Variants in TM6SF1 observed in about 807,000 individuals in gnomAD.
TM6SF1 encodes transmembrane 6 superfamily member 1.
TM6SF1 carries 43 observed loss-of-function variants against 47.1 expected under a neutral mutation model. The observed-to-expected ratio is 0.91, with a 90% CI of 0.72 to 1.18. The LOEUF (loss-of-function observed/expected upper bound fraction) is 1.18. Ranked by LOEUF, TM6SF1 falls within the 50% of genes most tolerant of loss-of-function variation. The pLI, the probability that TM6SF1 is intolerant of heterozygous loss-of-function variation, is 0.00. For missense variants in TM6SF1, 390 were observed against 449.0 expected (o/e 0.87, Z 1.19); for synonymous variants, 177 against 166.3 (o/e 1.06, Z -0.49).
At chr15:83,123,946 T>A (rs2035497191) in intron 6 of TM6SF1, among the ~76,000 whole-genome samples, 1 of 148,254 alleles carries the variant, frequency 6.7e-6, no homozygotes, top group Non-Finnish European at 1.5e-5. Context: ...GGCAATGTTA[T>A]CAACCTTAAT....
At chr15:83,126,980 CAGG>C (rs2035816549) in intron 8 of TM6SF1, 133 bp downstream of exon 8, 1 of 672,110 alleles carries the variant, frequency 1.5e-6, no homozygotes, top group South Asian at 1.9e-5. Context: ...ATCACGAGGT[CAGG>C]AGTTTGAAAC....
In TM6SF1 at chr15:83,113,129, C is replaced by T. The variant is rs2034345677; in HGVS notation, c.196+229C>T. The T allele has an allele frequency of 5.3e-6, 3 of 568,232 alleles. No individual in the cohort carries two copies. The South Asian group carries it at 6.1e-5, about 12-fold the overall frequency. 35.2% of individuals were successfully genotyped at this position (568,232 alleles called of 1,614,324 possible). A position where few individuals can be genotyped will look rare whatever the true frequency, so the allele number is the denominator to read the frequency against. ...TCCCGGTGGAGAGTTACTGCCAGGCCAGGCAGGGCACCCTGCCAACCCCAG... is the reference window on the plus strand; with the variant it reads ...TCCCGGTGGAGAGTTACTGCCAGGCTAGGCAGGGCACCCTGCCAACCCCAG... On this transcript the variant is annotated intron_variant, in intron 2 of 9. Transcript: ENST00000322019.
chr15:83,122,193 A>G (rs2035319656), intron 5 of TM6SF1, among the ~76,000 whole-genome samples, 190 bp downstream of exon 5: 1 of 152,182 alleles, frequency 6.6e-6, no homozygotes, highest in Non-Finnish European at 1.5e-5. Context: ...AGCAATTTTC[A>G]GATGTGTGCA....
At chr15:83,125,806 G>A (rs1040194516) in intron 7 of TM6SF1, among the ~76,000 whole-genome samples, 3 of 152,208 alleles carry the variant, frequency 2.0e-5, no homozygotes, top group African/African-American at 4.8e-5. Context: ...TGTGCAGCAG[G>A]CTGGGTTCAG....
At chr15:83,111,001 G>C (rs1486026164) in intron 1 of TM6SF1, among the ~76,000 whole-genome samples, 1 of 152,164 alleles carries the variant, frequency 6.6e-6, no homozygotes, top group East Asian at 1.9e-4. Flanking sequence ...CTCCCAAGTA[G>C]CGGGGATTAC....
chr15:83,118,469 T>C (rs754406635), intron 3 of TM6SF1, among the ~76,000 whole-genome samples: 1 of 152,160 alleles, frequency 6.6e-6, no homozygotes, highest in Non-Finnish European at 1.5e-5. Flanking sequence ...ATAAATCGGA[T>C]GTATTCTTCA....
intron 4 of TM6SF1, among the ~76,000 whole-genome samples, 179 bp from the exon 5 acceptor site, chr15:83,121,742 C>T (rs1288844528): frequency 6.6e-6 from 1 of 152,198 alleles, no homozygotes; most frequent in Non-Finnish European, 1.5e-5. Context: ...TAGTATATCA[C>T]ATGGCAATGA....
intron 1 of TM6SF1, among the ~76,000 whole-genome samples, chr15:83,111,106 G>A (rs535189514): frequency 6.6e-6 from 1 of 151,996 alleles, no homozygotes; most frequent in Admixed American, 6.6e-5. Flanking sequence ...TCCTGACCTC[G>A]GGTGATCCAC....
At chr15:83,127,622 A>AT in intron 9 of TM6SF1, 145 bp downstream of exon 9, 1 of 827,522 alleles carries the variant, frequency 1.2e-6, no homozygotes, top group Non-Finnish European at 1.9e-6. Context: ...TTCAGAAGAC[A>AT]TTTCTGCAAG....
chr15:83,132,781 G>C (rs1329143734), intron 9 of TM6SF1: 3 of 152,058 alleles, frequency 2.0e-5, no homozygotes, highest in African/African-American at 4.8e-5. Context: ...GGATAGTTGG[G>C]ATACTAATGC....
At chr15:83,113,688 T>A (rs1050104359) in intron 2 of TM6SF1, 1 of 152,612 alleles carries the variant, frequency 6.6e-6, no homozygotes, top group African/African-American at 2.4e-5. Flanking sequence ...AGGCTGTGGG[T>A]TGATTTCAGG....
chr15:83,118,756 G>A (rs1217286300), intron 3 of TM6SF1, among the ~76,000 whole-genome samples: 1 of 152,054 alleles, frequency 6.6e-6, no homozygotes, highest in African/African-American at 2.4e-5. Context: ...GGGAGAAAGA[G>A]GAAAGGAAAA....
chr15:83,130,300 T>C (rs904534596), intron 9 of TM6SF1: 1 of 152,346 alleles, frequency 6.6e-6, no homozygotes, highest in Admixed American at 6.5e-5. Flanking sequence ...CCCTAATCTG[T>C]TGGTGAAGCT....
At chr15:83,117,938 G>A (rs2034826755) in intron 3 of TM6SF1, among the ~76,000 whole-genome samples, 1 of 152,106 alleles carries the variant, frequency 6.6e-6, no homozygotes, top group African/African-American at 2.4e-5. Context: ...TGAAGAAGAG[G>A]GAGAATTGCC....
In TM6SF1 at chr15:83,126,802, T is replaced by C. The variant is rs2035791981; in HGVS notation, c.756T>C (p.Phe252=). The change falls in exon 8 of 10, where the codon TTT becomes TTC. Residue 252 remains phenylalanine (F), a synonymous_variant. Coordinates refer to ENST00000322019, the MANE Select transcript of TM6SF1 (RefSeq NM_023003.5). ...AGCTCTGCCGATTATATACGCAATT[T>C]CAAGAGCCCTATCTAAAGGATCCTG... The part of the protein sequence containing the change: ...PSELCRLYTQ[F]QEPYLKDPAA... 2 of 1,614,016 alleles carry C rather than the reference T, an allele frequency of 1.2e-6. No homozygotes were observed. The highest frequency in any genetic ancestry group is 1.7e-5 in the Admixed American group (1 of 60,008).
chr15:83,126,824 C>T lies in TM6SF1; in HGVS notation c.778C>T (p.Pro260Ser), dbSNP rs749072178. ...TQFQEPYLKD[P>S]AAYPKIQMLA... ...ATTTCAAGAGCCCTATCTAAAGGAT[C>T]CTGCTGCTTATCCTAAAATTCAGGT... Residue 260 changes from proline (P) to serine (S), a missense_variant, in exon 8 of 10, where the codon CCT becomes TCT. Coordinates refer to ENST00000322019, the MANE Select transcript of TM6SF1 (RefSeq NM_023003.5). 1 of 1,613,514 alleles carries T rather than the reference C, an allele frequency of 6.2e-7. No homozygotes were observed. Among genetic ancestry groups the T allele is most frequent in the South Asian group, 1.1e-5 (1 of 91,006 alleles).
chr15:83,117,241 G>A (rs2034747486), intron 3 of TM6SF1, among the ~76,000 whole-genome samples: 2 of 152,176 alleles, frequency 1.3e-5, no homozygotes. Flanking sequence ...AAGAGCATGT[G>A]CCTCTCCCTG....
chr15:83,117,719 T>TA (rs201090249), intron 3 of TM6SF1, among the ~76,000 whole-genome samples: 1,818 of 151,982 alleles, frequency 0.012, 12 homozygotes, highest in Non-Finnish European at 0.018. Context: ...CCAGCTGTGA[T>TA]AGAGAGGAGA....
chr15:83,112,726 A>G, intron 1 of TM6SF1, 71 bp from the exon 2 acceptor site: 1 of 1,101,264 alleles, frequency 9.1e-7, no homozygotes. Context: ...AATGCATTCA[A>G]TAGTCAGGAA....
Sources: allele counts gnomAD v4.1 joint callset (sites outside exome capture counted in the v4.1 genomes callset), GRCh38; gene constraint gnomAD v4.1.1; transcripts MANE v1.5; gene names NCBI Gene and HGNC (gene_info 2026-07-23, HGNC 2026-07-21).